The following ITPK1 variants were observed in gnomAD, a reference collection of about 807,000 sequenced individuals.
ITPK1 encodes the protein inositol-tetrakisphosphate 1-kinase.
In ITPK1, 21 loss-of-function variants were observed where a neutral mutation model predicts 45.3. The ratio of observed to expected loss-of-function variants is 0.46; its 90% CI spans 0.33 to 0.67. ITPK1 has a LOEUF of 0.67. Among genes scored for constraint, ITPK1 ranks in the 30% least tolerant of loss-of-function variants. The probability of loss-of-function intolerance (pLI) is 0.02; values close to 1 mark genes in which losing one functional copy is unlikely to be tolerated. For missense variants in ITPK1, 474 were observed against 573.5 expected, an observed-to-expected ratio of 0.83 and a Z score of 1.77; for synonymous variants, 258 against 253.6, an observed-to-expected ratio of 1.02 and a Z score of -0.16.
chr14:93,110,666 C>A (rs1221777205), intron 2 of ITPK1, among the ~76,000 whole-genome samples: 1 of 152,192 alleles, frequency 6.6e-6, no homozygotes, highest in African/African-American at 2.4e-5. Flanking sequence ...TAAACGTGAA[C>A]ATTAATGAAC....
chr14:93,004,635 C>T (rs76941105), intron 4 of ITPK1, among the ~76,000 whole-genome samples: 2 of 151,688 alleles, frequency 1.3e-5, no homozygotes, highest in Non-Finnish European at 2.9e-5. Context: ...TGTGTGCGTG[C>T]GTGTGTGGTG....
At position 93,016,754 on chromosome 14, in the gene ITPK1, G is replaced by A. The variant is rs1243623263; in HGVS notation, c.168C>T (p.Ile56=). 2 of 1,614,048 alleles carry A rather than the reference G, an allele frequency of 1.2e-6. No homozygotes were observed. ...GGATGACGTCAGTCAGCTTGTGGATGATGACGTCCAGGGGGCCCTGCTCCT... is the reference window on the plus strand; with the variant it reads ...GGATGACGTCAGTCAGCTTGTGGATAATGACGTCCAGGGGGCCCTGCTCCT... ...PIEEQGPLDV[I]IHKLTDVILE... The change falls in exon 4 of 11, where the codon ATC becomes ATT. Residue 56 remains isoleucine (I), a synonymous_variant. Coordinates refer to ENST00000267615, the MANE Select transcript of ITPK1 (RefSeq NM_014216.6). This position sits in a 1 kb window ranked among gnomAD's most constrained non-coding sequence, Gnocchi z 5.0.
At chr14:93,066,550 A>G (rs1890762209) in intron 3 of ITPK1, among the ~76,000 whole-genome samples, 1 of 151,552 alleles carries the variant, frequency 6.6e-6, no homozygotes, top group Non-Finnish European at 1.5e-5. Context: ...GACTACAGGC[A>G]CCTGCCACCA....
intron 4 of ITPK1, among the ~76,000 whole-genome samples, chr14:93,004,814 C>T (rs950269104): frequency 6.7e-6 from 1 of 149,096 alleles, no homozygotes; most frequent in South Asian, 2.2e-4. Flanking sequence ...TGGGGAGGAG[C>T]CTGCTGAGGT....
At chr14:92,998,065 T>C (rs1887150890) in intron 4 of ITPK1, among the ~76,000 whole-genome samples, 2 of 152,244 alleles carry the variant, frequency 1.3e-5, no homozygotes, top group African/African-American at 4.8e-5. Context: ...GTCAGAGTCC[T>C]GAGTCCAGAT....
At chr14:93,047,294 T>C (rs1254717617) in intron 3 of ITPK1, among the ~76,000 whole-genome samples, 1 of 152,192 alleles carries the variant, frequency 6.6e-6, no homozygotes, top group East Asian at 1.9e-4. Flanking sequence ...AGCTAGAGTA[T>C]CATGTCATCC....
At chr14:93,103,566 T>A (rs1892407973) in intron 2 of ITPK1, among the ~76,000 whole-genome samples, 1 of 152,120 alleles carries the variant, frequency 6.6e-6, no homozygotes, top group Non-Finnish European at 1.5e-5. Flanking sequence ...CAGGAGACTG[T>A]GGTGCTCACT....
chr14:93,114,253 G>A (rs1415122259), intron 2 of ITPK1, among the ~76,000 whole-genome samples: 1 of 152,246 alleles, frequency 6.6e-6, no homozygotes, highest in African/African-American at 2.4e-5. Context: ...AGACTCAGTA[G>A]TTCTGTAATT....
At chr14:93,057,113 T>C (rs1286548287) in intron 3 of ITPK1, among the ~76,000 whole-genome samples, 1 of 152,190 alleles carries the variant, frequency 6.6e-6, no homozygotes, top group Non-Finnish European at 1.5e-5. Context: ...TGAGTAATGC[T>C]GTCAGGATTA....
At chr14:93,098,552 A>C (rs1174550390) in intron 2 of ITPK1, among the ~76,000 whole-genome samples, 1 of 152,088 alleles carries the variant, frequency 6.6e-6, no homozygotes, top group East Asian at 1.9e-4. Context: ...TGCTTGTCCA[A>C]CCTGACAGGT....
chr14:93,000,527 T>C (rs1887283268), intron 4 of ITPK1, among the ~76,000 whole-genome samples: 1 of 152,178 alleles, frequency 6.6e-6, no homozygotes, highest in Non-Finnish European at 1.5e-5. Flanking sequence ...CACAACCAGC[T>C]GGGGGGCTTT....
chr14:93,082,077 A>C lies in ITPK1; in HGVS notation c.96-5458T>G, dbSNP rs376926233. On this transcript the variant is annotated intron_variant, in intron 2 of 10. Transcript: ENST00000267615. ...GCTGCTTGTCCACAAGAGCGACTCCATGTGCTTCTCTGTGACCAGTGGAAG... is the reference window on the plus strand; with the variant it reads ...GCTGCTTGTCCACAAGAGCGACTCCCTGTGCTTCTCTGTGACCAGTGGAAG... Among the ~76,000 whole-genome samples, 12 of 150,644 alleles carry C rather than the reference A, an allele frequency of 8.0e-5. 1 individual carries two copies. Among genetic ancestry groups the C allele is most frequent in the East Asian group, 6.0e-4 (3 of 4,978 alleles).
intron 5 of ITPK1, among the ~76,000 whole-genome samples, chr14:92,981,992 G>C (rs1296179533): frequency 6.6e-6 from 1 of 152,260 alleles, no homozygotes; most frequent in African/African-American, 2.4e-5. Flanking sequence ...CCTGGGGTTC[G>C]GCTTGGCTGC....
At chr14:93,061,965 G>C (rs986805025) in intron 3 of ITPK1, among the ~76,000 whole-genome samples, 2 of 152,202 alleles carry the variant, frequency 1.3e-5, no homozygotes, top group Admixed American at 6.5e-5. Context: ...GATTACAACA[G>C]AACCACAACT....
At chr14:92,999,839 G>A (rs2139820784) in intron 4 of ITPK1, among the ~76,000 whole-genome samples, 1 of 152,324 alleles carries the variant, frequency 6.6e-6, no homozygotes, top group South Asian at 2.1e-4. Context: ...ACAGGGTTGT[G>A]CAACGATCAG....
chr14:93,055,011 T>C (rs1408326143), intron 3 of ITPK1, among the ~76,000 whole-genome samples: 2 of 152,142 alleles, frequency 1.3e-5, no homozygotes, highest in African/African-American at 4.8e-5. Flanking sequence ...CCAGCCTGCC[T>C]CCTGTCCCCA....
At chr14:93,046,523 T>G (rs1889777963) in intron 3 of ITPK1, among the ~76,000 whole-genome samples, 1 of 146,790 alleles carries the variant, frequency 6.8e-6, no homozygotes, top group African/African-American at 2.6e-5. Flanking sequence ...GCTCAGACTT[T>G]CCTAAGTGCT....
intron 3 of ITPK1, among the ~76,000 whole-genome samples, chr14:93,017,091 A>C (rs1888219887): frequency 6.6e-6 from 1 of 152,214 alleles, no homozygotes; most frequent in African/African-American, 2.4e-5. Flanking sequence ...AAGACACATA[A>C]GAGGAATCAG....
At chr14:93,050,221 G>A (rs118018569) in intron 3 of ITPK1, among the ~76,000 whole-genome samples, 3,133 of 152,250 alleles carry the variant, frequency 0.021, 46 homozygotes, top group Non-Finnish European at 0.029. Flanking sequence ...GCGGACACAC[G>A]GGTTCTCCTG....
Sources: gnomAD v4.1 joint callset for allele counts (sites outside exome capture counted in the v4.1 genomes callset) on GRCh38, gnomAD v4.1.1 for gene constraint, Gnocchi (gnomAD v3.1) non-coding constraint, MANE v1.5 for transcripts, NCBI Gene and HGNC (gene_info 2026-07-23, HGNC 2026-07-21) for gene names.